The following ALKBH6 variants were observed in gnomAD, a reference collection of about 807,000 sequenced individuals.
The protein encoded by ALKBH6 is probable RNA/DNA demethylase ALKBH6.
A neutral mutation model predicts 25.1 loss-of-function variants in ALKBH6; 20 were observed. That is an observed-to-expected ratio of 0.80 (90% CI 0.56 to 1.16). The LOEUF (loss-of-function observed/expected upper bound fraction) is 1.16, where lower values mean the gene tolerates loss of function less well. ALKBH6 is among the 50% of genes most tolerant of loss of function. ALKBH6 has a pLI of 0.00. For missense variants in ALKBH6, 263 were observed against 326.5 expected, an observed-to-expected ratio of 0.81 and a Z score of 1.50; for synonymous variants, 156 against 147.5, an observed-to-expected ratio of 1.06 and a Z score of -0.42.
At position 36,013,665 on chromosome 19, in the gene ALKBH6, A is replaced by T; in HGVS notation, c.-25-243T>A. On this transcript the variant is annotated intron_variant, in intron 1 of 6. Transcript: ENST00000378875. This position sits in a 1 kb window ranked among gnomAD's most constrained non-coding sequence, Gnocchi z 4.6. Reference sequence around the variant, plus strand: ...CTGTCCACTAAGGGCCCATCCAACTACACATATGCCTTCTCAATCCTCCCA... The same window carrying T: ...CTGTCCACTAAGGGCCCATCCAACTTCACATATGCCTTCTCAATCCTCCCA... 7.4e-7 allele frequency: 1 copy of T among 1,352,352 alleles called. No individual in the cohort carries two copies. Among genetic ancestry groups the T allele is most frequent in the Non-Finnish European group, 9.5e-7 (1 of 1,049,712 alleles). 83.8% of individuals were successfully genotyped at this position (1,352,352 alleles called of 1,614,324 possible). A position where few individuals can be genotyped will look rare whatever the true frequency, so the allele number is the denominator to read the frequency against.
rs1457773295 is a variant in ALKBH6 at position 36,013,343 on chromosome 19, C to T, written c.54+1G>A. On this transcript the variant is annotated splice_donor_variant, in intron 2 of 6. Transcript: ENST00000378875. LOFTEE classifies it high-confidence loss of function. The surrounding 1 kb of genome is among the most constrained non-coding windows in gnomAD (Gnocchi z 4.6). The stretch of plus-strand genomic sequence containing the variant: ...CCCTCTGCACCCTGAGTTCTGACAA[C>T]CTGCTCCACTCTGAACGGTTCCAGG... 1.2e-6 allele frequency: 2 copies of T among 1,613,864 alleles called. No individual in the cohort carries two copies. The highest frequency in any genetic ancestry group is 2.7e-5 in the African/African-American group (2 of 74,860).
Position 36,013,887 on chromosome 19 carries a change from C to A in ALKBH6, c.-26+288G>T. The A allele has an allele frequency of 7.5e-7, 1 of 1,336,840 alleles. No homozygotes were observed. The highest frequency in any genetic ancestry group is 9.5e-7 in the Non-Finnish European group (1 of 1,047,380). The allele number at this position is 1,336,840 out of a possible 1,614,324, so 82.8% of individuals were successfully genotyped here. On this transcript the variant is annotated intron_variant, in intron 1 of 6. Coordinates refer to ENST00000378875, the MANE Select transcript of ALKBH6 (RefSeq NM_032878.5). The surrounding 1 kb of genome is among the most constrained non-coding windows in gnomAD (Gnocchi z 4.6). The stretch of plus-strand genomic sequence containing the variant: ...TTCTGTGCACTCCTGTGACCCCAAT[C>A]TGAGCCTCCTCAGACATGTCCACCC...
chr19:36,011,580 G>A, intron 3 of ALKBH6, 116 bp from the exon 4 acceptor site: 1 of 1,148,698 alleles, frequency 8.7e-7, no homozygotes, highest in African/African-American at 1.5e-5. Flanking sequence ...CTGTGTCTGT[G>A]GGACCATTCC....
At chr19:36,011,265 G>T in intron 4 of ALKBH6, 139 bp downstream of exon 4, 1 of 1,180,648 alleles carries the variant, frequency 8.5e-7, no homozygotes, top group Non-Finnish European at 1.2e-6. Flanking sequence ...GACCTCCACT[G>T]ACCCCTTCAG....
chr19:36,010,034 A>G lies in ALKBH6; in HGVS notation c.454-481T>C, dbSNP rs1328598725. ...ACAACCGCACAGCTGAGGGAGTGTC[A>G]GAGCATCCAGGAGCATGCAGGGCTC... On this transcript the variant is annotated intron_variant, in intron 6 of 6. Coordinates refer to ENST00000378875, the MANE Select transcript of ALKBH6 (RefSeq NM_032878.5). This position sits in a 1 kb window ranked among gnomAD's most constrained non-coding sequence, Gnocchi z 5.5. Among the ~76,000 whole-genome samples, 1 of 152,194 alleles carries G rather than the reference A, an allele frequency of 6.6e-6. No individual in the cohort carries two copies. The highest frequency in any genetic ancestry group is 1.5e-5 in the Non-Finnish European group (1 of 68,034).
At chr19:36,012,309 GC>G in intron 3 of ALKBH6, 1 of 152,082 alleles carries the variant, frequency 6.6e-6, no homozygotes, top group African/African-American at 2.4e-5. Context: ...ATCTTCCACT[GC>G]CAAGATCCTA....
chr19:36,013,182 AG>A lies in ALKBH6; in HGVS notation c.55-94del, dbSNP rs1293521261. On this transcript the variant is annotated intron_variant, in intron 2 of 6. Transcript: ENST00000378875. This position sits in a 1 kb window ranked among gnomAD's most constrained non-coding sequence, Gnocchi z 4.6. ...AACCCCTATGCCTGGAGACAGGCTC[AG>A]GATGTCCTCAGACAGGTCAGGGTCT... is the stretch of plus-strand genomic sequence containing the variant. 2.1e-6 allele frequency: 3 copies of A among 1,462,322 alleles called. No homozygotes were observed. Among genetic ancestry groups the A allele is most frequent in the Non-Finnish European group, 2.9e-6 (3 of 1,045,850 alleles). The allele number at this position is 1,462,322 out of a possible 1,614,324, so 90.6% of individuals were successfully genotyped here.
chr19:36,010,515 T>C lies in ALKBH6; in HGVS notation c.453+52A>G. The C allele has an allele frequency of 1.4e-6, 2 of 1,459,758 alleles. No individual in the cohort carries two copies. The highest frequency in any genetic ancestry group is 1.9e-6 in the Non-Finnish European group (2 of 1,045,884). The allele number at this position is 1,459,758 out of a possible 1,614,324, so 90.4% of individuals were successfully genotyped here. A position where few individuals can be genotyped will look rare whatever the true frequency, so the allele number is the denominator to read the frequency against. On this transcript the variant is annotated intron_variant, in intron 6 of 6. Transcript: ENST00000378875. The surrounding 1 kb of genome is among the most constrained non-coding windows in gnomAD (Gnocchi z 5.5). Reference sequence around the variant, plus strand: ...TGTGGGACCAGGTCATCTTGGAGGATGTGCGAGGTTGAAGTGCCTACAAGC... The same window carrying C: ...TGTGGGACCAGGTCATCTTGGAGGACGTGCGAGGTTGAAGTGCCTACAAGC...
chr19:36,009,238 C>T lies in ALKBH6; in HGVS notation c.*52G>A. Reference sequence around the variant, plus strand: ...CGGTTCCTAGGTCGCGGAGTCACAGCAGCCCCAAAGGGGCAGGAACCTGGG... The same window carrying T: ...CGGTTCCTAGGTCGCGGAGTCACAGTAGCCCCAAAGGGGCAGGAACCTGGG... On this transcript the variant is annotated 3_prime_UTR_variant, in exon 7 of 7. Transcript: ENST00000378875. 7.9e-7 allele frequency: 1 copy of T among 1,273,604 alleles called. No homozygotes were observed. Among genetic ancestry groups the T allele is most frequent in the Non-Finnish European group, 9.9e-7 (1 of 1,010,962 alleles). 78.9% of individuals were successfully genotyped at this position (1,273,604 alleles called of 1,614,324 possible).
Position 36,010,831 on chromosome 19 carries a change from C to T in ALKBH6, c.336+63G>A. 1 of 1,602,472 alleles carries T rather than the reference C, an allele frequency of 6.2e-7. No individual in the cohort carries two copies. Among genetic ancestry groups the T allele is most frequent in the Non-Finnish European group, 8.5e-7 (1 of 1,169,812 alleles). On this transcript the variant is annotated intron_variant, in intron 5 of 6. Transcript: ENST00000378875. This position sits in a 1 kb window ranked among gnomAD's most constrained non-coding sequence, Gnocchi z 5.5. ...TAATGAGTGAGGGTGGGTACAGAGTCCCCTGCCCCAGCACAGCTCAGAAGT... is the reference window on the plus strand; with the variant it reads ...TAATGAGTGAGGGTGGGTACAGAGTTCCCTGCCCCAGCACAGCTCAGAAGT...
chr19:36,013,746 T>C lies in ALKBH6; in HGVS notation c.-25-324A>G, dbSNP rs1968691555. ...GAGCCTTTCTCAAAAGCTCTACACA[T>C]AGCCCCCAGGGCTGCACTCCAGAGC... On this transcript the variant is annotated intron_variant, in intron 1 of 6. Transcript: ENST00000378875. This position sits in a 1 kb window ranked among gnomAD's most constrained non-coding sequence, Gnocchi z 4.6. The C allele has an allele frequency of 2.3e-6, 3 of 1,277,628 alleles. No homozygotes were observed. Among genetic ancestry groups the C allele is most frequent in the Admixed American group, 3.9e-5 (1 of 25,802 alleles). 79.1% of individuals were successfully genotyped at this position (1,277,628 alleles called of 1,614,324 possible). A position where few individuals can be genotyped will look rare whatever the true frequency, so the allele number is the denominator to read the frequency against.
In ALKBH6 at chr19:36,010,726, AC is replaced by A. The variant is rs1188157742; in HGVS notation, c.337-44del. On this transcript the variant is annotated intron_variant, in intron 5 of 6. Transcript: ENST00000378875. This position sits in a 1 kb window ranked among gnomAD's most constrained non-coding sequence, Gnocchi z 5.5. ...GGGCTGGGCAGGGCAGGAGTCCACA[AC>A]CCCCACCCTCTGGGTCAAAGGGGGG... 1.9e-6 allele frequency: 3 copies of A among 1,591,778 alleles called. No homozygotes were observed. Among genetic ancestry groups the A allele is most frequent in the Non-Finnish European group, 1.7e-6 (2 of 1,161,250 alleles).
At chr19:36,011,355 C>T (rs1355690668) in intron 4 of ALKBH6, 49 bp downstream of exon 4, 1 of 1,601,762 alleles carries the variant, frequency 6.2e-7, no homozygotes, top group East Asian at 2.2e-5. Flanking sequence ...AGTCCCCTGC[C>T]CCAGCCTACA....
chr19:36,009,608 G>GGGGGGGC, intron 6 of ALKBH6, 55 bp from the exon 7 acceptor site: 2 of 336,926 alleles, frequency 5.9e-6, no homozygotes, highest in Non-Finnish European at 9.0e-6. Flanking sequence ...GTGGGGGTGG[G>GGGGGGGC]CGAGAGGTCG....
At position 36,014,070 on chromosome 19, in the gene ALKBH6, C is replaced by T. The variant is rs185091782; in HGVS notation, c.-26+105G>A. 4 of 1,561,694 alleles carry T rather than the reference C, an allele frequency of 2.6e-6. No homozygotes were observed. The East Asian group carries it at 9.6e-5, about 38-fold the overall frequency. On this transcript the variant is annotated intron_variant, in intron 1 of 6. Coordinates refer to ENST00000378875, the MANE Select transcript of ALKBH6 (RefSeq NM_032878.5). ...ATCCCCGACTCCGAGCCTTTTAGGA[C>T]TCCAAGCTCTGAGCCTCCTCGGACT...
chr19:36,011,453 G>A lies in ALKBH6; in HGVS notation c.135C>T (p.Ala45=), dbSNP rs1280367791. The A allele has an allele frequency of 1.2e-6, 2 of 1,613,478 alleles. No homozygotes were observed. The highest frequency in any genetic ancestry group is 1.7e-6 in the Non-Finnish European group (2 of 1,179,948). The change falls in exon 4 of 7, where the codon GCC becomes GCT. Residue 45 remains alanine (A), a synonymous_variant. Coordinates refer to ENST00000378875, the MANE Select transcript of ALKBH6 (RefSeq NM_032878.5). ...EEYLLRQVFN[A]PKPKWTQLSG... ...AGAGCTGGGTCCACTTTGGCTTTGGGGCATTAAAAACCTAAGAGGTGGGAA... is the reference window on the plus strand; with the variant it reads ...AGAGCTGGGTCCACTTTGGCTTTGGAGCATTAAAAACCTAAGAGGTGGGAA...
intron 4 of ALKBH6, 172 bp from the exon 5 acceptor site, chr19:36,011,217 G>C (rs1439667335): frequency 5.3e-6 from 6 of 1,122,484 alleles, no homozygotes; most frequent in Non-Finnish European, 7.5e-6. Flanking sequence ...GTCCCTTTCA[G>C]ATACTCCCAA....
chr19:36,009,602 G>GCC, intron 6 of ALKBH6, 49 bp from the exon 7 acceptor site: 1 of 1,142,224 alleles, frequency 8.8e-7, no homozygotes, highest in Non-Finnish European at 1.1e-6. Context: ...CGGGGGGTGG[G>GCC]GGTGGGCGAG....
rs986252287 is a variant in ALKBH6 at position 36,013,682 on chromosome 19, A to G, written c.-25-260T>C. ...ATCCAACTACACATATGCCTTCTCAATCCTCCCACAGAGAACATTCTCTGG... is the reference window on the plus strand; with the variant it reads ...ATCCAACTACACATATGCCTTCTCAGTCCTCCCACAGAGAACATTCTCTGG... On this transcript the variant is annotated intron_variant, in intron 1 of 6. Coordinates refer to ENST00000378875, the MANE Select transcript of ALKBH6 (RefSeq NM_032878.5). The surrounding 1 kb of genome is among the most constrained non-coding windows in gnomAD (Gnocchi z 4.6). 15 of 1,324,796 alleles carry G rather than the reference A, an allele frequency of 1.1e-5. No individual in the cohort carries two copies. Among genetic ancestry groups the G allele is most frequent in the Admixed American group, 3.5e-5 (1 of 28,484 alleles). The allele number at this position is 1,324,796 out of a possible 1,614,324, so 82.1% of individuals were successfully genotyped here.
Sources: allele counts gnomAD v4.1 joint callset (sites outside exome capture counted in the v4.1 genomes callset), GRCh38; gene constraint gnomAD v4.1.1; non-coding constraint Gnocchi (gnomAD v3.1); transcripts MANE v1.5; gene names NCBI Gene and HGNC (gene_info 2026-07-23, HGNC 2026-07-21).